Variants in GRAMD1B observed in about 807,000 individuals in gnomAD.
GRAMD1B encodes GRAM domain containing 1B, also known as protein Aster-B.
GRAMD1B carries 37 observed loss-of-function variants against 99.7 expected under a neutral mutation model. The observed-to-expected ratio is 0.37, with a 90% CI of 0.29 to 0.49. The LOEUF (loss-of-function observed/expected upper bound fraction) is 0.49. Ranked by LOEUF, GRAMD1B falls within the 20% of genes least tolerant of loss-of-function variation. The pLI is 0.98. For synonymous variants in GRAMD1B, 427 were observed against 387.6 expected (o/e 1.10, Z -1.19); for missense variants, 888 against 1,009.2 (o/e 0.88, Z 1.63).
chr11:123,517,705 A>G (rs564949279), intron 2 of GRAMD1B, among the ~76,000 whole-genome samples: 17 of 152,336 alleles, frequency 1.1e-4, no homozygotes, highest in Admixed American at 1.0e-3. Context: ...TTGTCCTATC[A>G]TCGAACAATT....
At chr11:123,608,902 A>G (rs1218429558) in intron 12 of GRAMD1B, 100 bp downstream of exon 12, 5 of 855,880 alleles carry the variant, frequency 5.8e-6, no homozygotes, top group Non-Finnish European at 9.1e-6. Context: ...TTCTTTCCAC[A>G]CACCCTCCTT....
chr11:123,614,964 T>A, intron 17 of GRAMD1B, 129 bp downstream of exon 17: 1 of 564,926 alleles, frequency 1.8e-6, no homozygotes. Flanking sequence ...TATCCTCTAG[T>A]CTTCTCTGTC....
chr11:123,532,220 A>G (rs766473713), intron 2 of GRAMD1B, among the ~76,000 whole-genome samples: 3 of 152,300 alleles, frequency 2.0e-5, no homozygotes, highest in Admixed American at 6.5e-5. Flanking sequence ...CAGGAAGGCT[A>G]TCCTGCATGT....
chr11:123,500,064 A>G (rs1939702173), intron 2 of GRAMD1B, among the ~76,000 whole-genome samples: 3 of 152,208 alleles, frequency 2.0e-5, no homozygotes, highest in Admixed American at 2.0e-4. Context: ...GCAGTGGCTC[A>G]CGCCTGTAAT....
intron 2 of GRAMD1B, among the ~76,000 whole-genome samples, chr11:123,566,727 C>T (rs1165045240): frequency 1.3e-5 from 2 of 151,664 alleles, no homozygotes; most frequent in African/African-American, 4.9e-5. Flanking sequence ...GATCGTGCCA[C>T]TGCACTCTAG....
At chr11:123,383,309 A>G (rs1334716699) in intron 1 of GRAMD1B, among the ~76,000 whole-genome samples, 2 of 151,852 alleles carry the variant, frequency 1.3e-5, no homozygotes, top group East Asian at 3.9e-4. Flanking sequence ...ATCTTGATTA[A>G]ATGGAAAGTA....
At chr11:123,394,315 T>C (rs1300486530) in intron 1 of GRAMD1B, among the ~76,000 whole-genome samples, 1 of 152,268 alleles carries the variant, frequency 6.6e-6, no homozygotes, top group Non-Finnish European at 1.5e-5. Context: ...AGATTCCTTC[T>C]GCTCTATCCA....
At chr11:123,444,901 C>G (rs975358817) in intron 1 of GRAMD1B, among the ~76,000 whole-genome samples, 1 of 152,188 alleles carries the variant, frequency 6.6e-6, no homozygotes, top group Non-Finnish European at 1.5e-5. Flanking sequence ...CCTCTAGTCA[C>G]TTGGTCTTTC....
chr11:123,485,418 G>A (rs578222159), intron 2 of GRAMD1B, among the ~76,000 whole-genome samples: 12 of 152,194 alleles, frequency 7.9e-5, no homozygotes, highest in African/African-American at 1.7e-4. Flanking sequence ...ACCTTAATAC[G>A]GTGTTCAAAC....
intron 4 of GRAMD1B, among the ~76,000 whole-genome samples, chr11:123,593,614 A>G (rs1950920771): frequency 6.6e-6 from 1 of 152,086 alleles, no homozygotes; most frequent in Non-Finnish European, 1.5e-5. Flanking sequence ...TCTTTCCCAC[A>G]CAGCCAAGTG....
intron 2 of GRAMD1B, among the ~76,000 whole-genome samples, chr11:123,576,222 C>T (rs1340660951): frequency 1.3e-5 from 2 of 152,226 alleles, no homozygotes; most frequent in African/African-American, 2.4e-5. Context: ...TGTCCCCAGC[C>T]CTGCACCCCA....
chr11:123,533,476 G>C (rs993466956), intron 2 of GRAMD1B, among the ~76,000 whole-genome samples: 2 of 151,618 alleles, frequency 1.3e-5, no homozygotes, highest in African/African-American at 4.9e-5. Context: ...ACCTAGGCTA[G>C]AGTGCAATGG....
chr11:123,480,201 G>C (rs566743909), intron 1 of GRAMD1B, among the ~76,000 whole-genome samples: 2 of 152,130 alleles, frequency 1.3e-5, no homozygotes, highest in Non-Finnish European at 2.9e-5. Flanking sequence ...AGTGCCTTAA[G>C]GTGTGGAGAG....
chr11:123,578,763 T>G (rs919718606), intron 3 of GRAMD1B, among the ~76,000 whole-genome samples: 5 of 152,148 alleles, frequency 3.3e-5, no homozygotes, highest in Non-Finnish European at 7.4e-5. Context: ...TGGCGTTAGT[T>G]TCATTCCTTT....
intron 3 of GRAMD1B, among the ~76,000 whole-genome samples, chr11:123,580,314 G>T (rs1353406340): frequency 6.6e-6 from 1 of 152,230 alleles, no homozygotes; most frequent in Non-Finnish European, 1.5e-5. Context: ...GGAGGTTCTG[G>T]TAGCGGGATG....
At chr11:123,360,791 CCTTCCT>C (rs1946118306) in intron 1 of GRAMD1B, among the ~76,000 whole-genome samples, 2 of 131,886 alleles carry the variant, frequency 1.5e-5, no homozygotes, top group African/African-American at 5.9e-5. Context: ...TTCCTTCCTT[CCTTCCT>C]TCCTTCCTTC....
At position 123,625,656 on chromosome 11, in the gene GRAMD1B, C is replaced by G. The variant is rs914748220; in HGVS notation, c.*3061C>G. Reference sequence around the variant, plus strand: ...AAGCTCTGTGGCCTTGGGCAAGTCACTCCCCCTCTCTGAGCTTCAGTATCC... The same window carrying G: ...AAGCTCTGTGGCCTTGGGCAAGTCAGTCCCCCTCTCTGAGCTTCAGTATCC... On this transcript the variant is annotated 3_prime_UTR_variant, in exon 20 of 20. Transcript: ENST00000635736. 6.6e-6 allele frequency: 1 copy of G among 152,668 alleles called. No individual in the cohort carries two copies. The highest frequency in any genetic ancestry group is 1.5e-5 in the Non-Finnish European group (1 of 68,448). 9.5% of individuals were successfully genotyped at this position (152,668 alleles called of 1,614,324 possible). A position where few individuals can be genotyped will look rare whatever the true frequency, so the allele number is the denominator to read the frequency against.
chr11:123,578,813 C>T (rs1949024273), intron 3 of GRAMD1B, among the ~76,000 whole-genome samples: 1 of 152,196 alleles, frequency 6.6e-6, no homozygotes, highest in Non-Finnish European at 1.5e-5. Context: ...CAGGCCCCTC[C>T]CCTTTGGTGG....
intron 12 of GRAMD1B, among the ~76,000 whole-genome samples, chr11:123,609,493 A>G (rs569710574): frequency 5.6e-4 from 86 of 152,298 alleles, no homozygotes; most frequent in Non-Finnish European, 1.0e-3. Flanking sequence ...GGCCCTCGCC[A>G]CAGTAACACC....
Sources: allele counts gnomAD v4.1 joint callset (sites outside exome capture counted in the v4.1 genomes callset), GRCh38; gene constraint gnomAD v4.1.1; transcripts MANE v1.5; gene names NCBI Gene and HGNC (gene_info 2026-07-23, HGNC 2026-07-21).